WWOX: variants seen among roughly 807,000 people sequenced by gnomAD.
WWOX encodes WW domain containing oxidoreductase.
In WWOX, 69 loss-of-function variants were observed where a neutral mutation model predicts 46.2. The ratio of observed to expected loss-of-function variants is 1.49; its 90% CI spans 1.23 to 1.82. The LOEUF is 1.82. WWOX is among the 40% of genes most tolerant of loss of function. WWOX has a pLI of 0.00. For synonymous variants in WWOX, 359 were observed against 202.6 expected, an observed-to-expected ratio of 1.77 and a Z score of -6.56; for missense variants, 919 against 542.6, an observed-to-expected ratio of 1.69 and a Z score of -6.89.
chr16:78,548,152 C>CA (rs11320544), intron 8 of WWOX, among the ~76,000 whole-genome samples: 808 of 34,184 alleles, frequency 0.024, 33 homozygotes, highest in Middle Eastern at 0.071. Flanking sequence ...AAGACTGTCT[C>CA]AAAAAAAAAA....
chr16:78,742,009 C>G (rs1050999181), intron 8 of WWOX, among the ~76,000 whole-genome samples: 1 of 152,124 alleles, frequency 6.6e-6, no homozygotes, highest in Non-Finnish European at 1.5e-5. Context: ...TCCTCTCTTC[C>G]CACCCCCTAC....
chr16:78,890,831 A>G (rs1567629709), intron 8 of WWOX: 1 of 152,238 alleles, frequency 6.6e-6, no homozygotes, highest in Non-Finnish European at 1.5e-5. Context: ...TGTTTTGTCA[A>G]TATTTAGTAA....
intron 6 of WWOX, among the ~76,000 whole-genome samples, chr16:78,392,778 A>C (rs966042903): frequency 5.9e-5 from 9 of 152,148 alleles, no homozygotes; most frequent in African/African-American, 2.2e-4. Flanking sequence ...AAGAGTACAC[A>C]CAGGCCTGAT....
At chr16:78,825,930 C>T in intron 8 of WWOX, 1 of 778,412 alleles carries the variant, frequency 1.3e-6, no homozygotes, top group Non-Finnish European at 2.1e-6. Flanking sequence ...GAGGTAGTGC[C>T]CACCACTCCC....
intron 8 of WWOX, among the ~76,000 whole-genome samples, chr16:78,589,352 C>T (rs942605961): frequency 9.2e-5 from 14 of 152,188 alleles, no homozygotes; most frequent in Admixed American, 8.5e-4. Context: ...GCCAGGTTAC[C>T]TGATTCATCT....
chr16:78,830,885 T>C (rs775473254), intron 8 of WWOX, among the ~76,000 whole-genome samples: 1 of 152,088 alleles, frequency 6.6e-6, no homozygotes, highest in Non-Finnish European at 1.5e-5. Context: ...TTACCCTCTA[T>C]AGCCATCAGG....
chr16:79,081,956 G>C (rs950420125), intron 8 of WWOX, among the ~76,000 whole-genome samples: 7 of 152,104 alleles, frequency 4.6e-5, no homozygotes, highest in African/African-American at 1.4e-4. Flanking sequence ...AACTGCAAAG[G>C]GGTGGTTGAT....
At chr16:78,418,082 C>T (rs908254575) in intron 6 of WWOX, among the ~76,000 whole-genome samples, 10 of 152,242 alleles carry the variant, frequency 6.6e-5, no homozygotes, top group South Asian at 6.2e-4. Flanking sequence ...TAATACTGGC[C>T]GGGAACGGTG....
chr16:78,930,222 TCTTCCTTC>T lies in WWOX; in HGVS notation c.1057-281346_1057-281339del, dbSNP rs574392161. ...CTGGGGTGGATTATTTCAGGACCTTTCTTCCTTCCTTCCTTCCTTCCTTCCTTCCTTCC... is the reference window on the plus strand; with the variant it reads ...CTGGGGTGGATTATTTCAGGACCTTTCTTCCTTCCTTCCTTCCTTCCTTCC... On this transcript the variant is annotated intron_variant, in intron 8 of 8. Transcript: ENST00000566780. 1.9e-3 allele frequency among the ~76,000 whole-genome samples: 199 copies of T among 104,996 alleles called. 1 individual carries two copies. Among genetic ancestry groups the T allele is most frequent in the East Asian group, 7.3e-3 (30 of 4,088 alleles). The allele number at this position is 104,996 out of a possible 152,430, so 68.9% of individuals were successfully genotyped here.
intron 5 of WWOX, among the ~76,000 whole-genome samples, chr16:78,223,810 A>G (rs758981046): frequency 6.6e-6 from 1 of 152,316 alleles, no homozygotes; most frequent in East Asian, 1.9e-4. Context: ...GGAGTTTCCA[A>G]AACAGCAGCA....
intron 8 of WWOX, among the ~76,000 whole-genome samples, chr16:79,008,991 C>G (rs1461796947): frequency 1.3e-5 from 2 of 152,232 alleles, no homozygotes; most frequent in African/African-American, 4.8e-5. Context: ...GTGCAATTAT[C>G]CCGATTCAGC....
intron 8 of WWOX, among the ~76,000 whole-genome samples, chr16:79,075,686 G>A (rs967014039): frequency 7.9e-5 from 12 of 151,958 alleles, no homozygotes; most frequent in African/African-American, 2.9e-4. Flanking sequence ...CTGAGTAGCT[G>A]GGACTATAGG....
intron 8 of WWOX, among the ~76,000 whole-genome samples, chr16:78,685,368 CAG>C (rs2047830410): frequency 6.6e-6 from 1 of 152,084 alleles, no homozygotes; most frequent in African/African-American, 2.4e-5. Flanking sequence ...GTCTAATATT[CAG>C]AGTCTGACAC....
At chr16:78,678,020 C>G (rs1046037118) in intron 8 of WWOX, among the ~76,000 whole-genome samples, 1 of 152,198 alleles carries the variant, frequency 6.6e-6, no homozygotes, top group Admixed American at 6.5e-5. Context: ...GTCCCTGAAT[C>G]TCTACCCTGC....
intron 8 of WWOX, among the ~76,000 whole-genome samples, chr16:78,565,426 C>A (rs557814333): frequency 6.6e-6 from 1 of 152,176 alleles, no homozygotes; most frequent in African/African-American, 2.4e-5. Context: ...TTGGCCCCTT[C>A]CTCTGGCTTC....
rs144446818 is a variant in WWOX, at chr16:78,156,752, C to T, written c.410-7431C>T. 3.8e-3 allele frequency among the ~76,000 whole-genome samples: 574 copies of T among 152,016 alleles called. 4 individuals carry two copies. Among genetic ancestry groups the T allele is most frequent in the African/African-American group, 0.013 (552 of 41,468 alleles). Reference sequence around the variant, plus strand: ...CAGCCTGGCCAACATGGTGAAATCCCGTCTCTACTAAAAATACAAAAATTA... The same window carrying T: ...CAGCCTGGCCAACATGGTGAAATCCTGTCTCTACTAAAAATACAAAAATTA... On this transcript the variant is annotated intron_variant, in intron 4 of 8. Transcript: ENST00000566780.
At chr16:78,987,319 G>A (rs1444079445) in intron 8 of WWOX, among the ~76,000 whole-genome samples, 1 of 152,164 alleles carries the variant, frequency 6.6e-6, no homozygotes, top group East Asian at 1.9e-4. Context: ...TTTTGACAAT[G>A]ATCTTTTTGT....
intron 8 of WWOX, among the ~76,000 whole-genome samples, chr16:78,562,703 A>G (rs2044467886): frequency 6.6e-6 from 1 of 152,142 alleles, no homozygotes; most frequent in Admixed American, 6.5e-5. Context: ...CTCACTGACA[A>G]TCTGATCGCT....
At position 78,507,608 on chromosome 16, in the gene WWOX, T is replaced by C. The variant is rs145769045; in HGVS notation, c.1056+74856T>C. Among the ~76,000 whole-genome samples the C allele has an allele frequency of 3.3e-4, 51 of 152,272 alleles. No homozygotes were observed. The East Asian group carries it at 9.1e-3, about 27-fold the overall frequency. ...GCATGCAACATCAGTGTCACACACA[T>C]ATCACCCCCATACTCGACATTCTTT... On this transcript the variant is annotated intron_variant, in intron 8 of 8. Coordinates refer to ENST00000566780, the MANE Select transcript of WWOX (RefSeq NM_016373.4).
Sources: gnomAD v4.1 joint callset for allele counts (sites outside exome capture counted in the v4.1 genomes callset) on GRCh38, gnomAD v4.1.1 for gene constraint, MANE v1.5 for transcripts, NCBI Gene and HGNC (gene_info 2026-07-23, HGNC 2026-07-21) for gene names.